Variants in NLRP11 observed in about 807,000 individuals in gnomAD.
The protein encoded by NLRP11 is NLR family pyrin domain containing 11, also known as NACHT, LRR and PYD domains-containing protein 11.
NLRP11 carries 53 observed loss-of-function variants against 79.3 expected under a neutral mutation model. That is an observed-to-expected ratio of 0.67 (90% CI 0.54 to 0.84). The LOEUF is 0.84. Ranked by LOEUF, NLRP11 falls within the 40% of genes least tolerant of loss-of-function variation. The pLI is 0.00. For synonymous variants in NLRP11, 518 were observed against 462.6 expected, an observed-to-expected ratio of 1.12 and a Z score of -1.54; for missense variants, 1,264 against 1,255.0, an observed-to-expected ratio of 1.01 and a Z score of -0.11.
At chr19:55,834,607 T>G (rs548120707), upstream of NLRP11, among the ~76,000 whole-genome samples, 2 of 152,256 alleles carry the variant, frequency 1.3e-5, no homozygotes, top group Admixed American at 1.3e-4. Context: ...GACTCAGTCA[T>G]TCCACTCAGG....
At chr19:55,796,448 C>A (rs778509838) in intron 5 of NLRP11, among the ~76,000 whole-genome samples, 198 bp from the exon 6 acceptor site, 1 of 152,140 alleles carries the variant, frequency 6.6e-6, no homozygotes, top group Non-Finnish European at 1.5e-5. Flanking sequence ...TACAGATTCA[C>A]GAAGGGCTGT....
At chr19:55,831,859 T>C (rs1337819504) in intron 1 of NLRP11, 104 bp downstream of exon 1, 2 of 151,698 alleles carry the variant, frequency 1.3e-5, no homozygotes, top group East Asian at 3.9e-4. Flanking sequence ...CCCAATCATA[T>C]TATTTCCAGC....
At chr19:55,819,003 T>A (rs575522318) in intron 1 of NLRP11, among the ~76,000 whole-genome samples, 6 of 152,238 alleles carry the variant, frequency 3.9e-5, no homozygotes, top group African/African-American at 1.4e-4. Context: ...CTCGCAGAAC[T>A]GCTCCCAACA....
intron 3 of NLRP11, 29 bp downstream of exon 3, chr19:55,808,740 G>C: frequency 1.3e-6 from 2 of 1,569,054 alleles, no homozygotes; most frequent in Middle Eastern, 1.9e-4. Flanking sequence ...AGGAAGACAG[G>C]AAAGAGGATT....
At chr19:55,802,454 T>C (rs1979570329) in intron 4 of NLRP11, among the ~76,000 whole-genome samples, 4 of 152,170 alleles carry the variant, frequency 2.6e-5, no homozygotes, top group African/African-American at 9.7e-5. Flanking sequence ...GGAATACAGC[T>C]AACCAGAGAG....
At chr19:55,796,094 A>G (rs1414086972) in exon 6 of NLRP11, 1 of 1,612,596 alleles carries the variant, frequency 6.2e-7, no homozygotes, top group Admixed American at 1.7e-5. Flanking sequence ...GTGATATAAG[A>G]GTGCAGTTGG....
intron 1 of NLRP11, among the ~76,000 whole-genome samples, chr19:55,827,380 A>G (rs1289828540): frequency 1.3e-5 from 2 of 150,274 alleles, no homozygotes; most frequent in East Asian, 4.0e-4. Flanking sequence ...CTAAAACACC[A>G]AAAGCAATGG....
intron 8 of NLRP11, 126 bp from the exon 9 acceptor site, chr19:55,789,103 A>G (rs966922740): frequency 2.9e-6 from 4 of 1,375,884 alleles, no homozygotes; most frequent in African/African-American, 2.9e-5. Flanking sequence ...ACTGTGCAAT[A>G]AGAGTCCCAT....
chr19:55,795,639 G>A lies in NLRP11; in HGVS notation c.2342+441C>T, dbSNP rs147122183. ...CAAGCAGCTGGGACTACAGGTACCC[G>A]CCACCACGCCCGGCTAATTTTTGTA... is the stretch of plus-strand genomic sequence containing the variant. On this transcript the variant is annotated intron_variant, in intron 6 of 9. Transcript: ENST00000589093. Among the ~76,000 whole-genome samples the A allele has an allele frequency of 9.3e-3, 1,419 of 152,096 alleles. 23 individuals carry two copies. Among genetic ancestry groups the A allele is most frequent in the African/African-American group, 0.033 (1,362 of 41,470 alleles).
chr19:55,790,754 C>T (rs933000476), intron 7 of NLRP11, among the ~76,000 whole-genome samples: 25 of 152,296 alleles, frequency 1.6e-4, no homozygotes, highest in African/African-American at 5.3e-4. Flanking sequence ...TTGAGCCCAG[C>T]AGTCTGAGAC....
In NLRP11 at chr19:55,810,258, A is replaced by T. The variant is rs756477452; in HGVS notation, c.352T>A (p.Tyr118Asn). 8.7e-6 allele frequency: 14 copies of T among 1,613,676 alleles called. No homozygotes were observed. The African/African-American group carries it at 1.9e-4, about 22-fold the overall frequency. The change falls in exon 3 of 10, where the codon TAT becomes AAT. Residue 118 changes from tyrosine to asparagine, a missense_variant. Physicochemically the swap from Tyr to Asn is moderately radical, Grantham distance 143. Coordinates refer to ENST00000589093, the Ensembl canonical transcript of NLRP11. Reference sequence around the variant, plus strand: ...GACGAAACGTCACGAAAAAATTTATAATGAAATTTTCCAAAAGTGTGACTT... The same window carrying T: ...GACGAAACGTCACGAAAAAATTTATTATGAAATTTTCCAAAAGTGTGACTT...
intron 6 of NLRP11, among the ~76,000 whole-genome samples, chr19:55,794,811 A>G (rs17635587): frequency 0.19 from 28,485 of 152,118 alleles, 2,829 homozygotes; most frequent in Non-Finnish European, 0.23. Context: ...CATAATATGA[A>G]CAGGAGTTTC....
chr19:55,796,809 C>T (rs1449963002), intron 5 of NLRP11, among the ~76,000 whole-genome samples: 1 of 152,098 alleles, frequency 6.6e-6, no homozygotes, highest in African/African-American at 2.4e-5. Context: ...CTGCCTCGGC[C>T]TCCCGAGTAG....
At chr19:55,800,242 C>A (rs778137100) in intron 5 of NLRP11, among the ~76,000 whole-genome samples, 8 of 152,128 alleles carry the variant, frequency 5.3e-5, no homozygotes, top group Non-Finnish European at 1.0e-4. Flanking sequence ...GCACTCAAAG[C>A]GTGGCTAGCA....
At chr19:55,786,396 GT>G (rs915196725) in intron 9 of NLRP11, among the ~76,000 whole-genome samples, 3 of 151,974 alleles carry the variant, frequency 2.0e-5, no homozygotes, top group Admixed American at 2.0e-4. Context: ...GTGGTGGTGC[GT>G]GCCTGTGGTC....
intron 7 of NLRP11, 63 bp from the exon 8 acceptor site, chr19:55,789,462 G>A (rs138626549): frequency 8.9e-6 from 13 of 1,463,996 alleles, no homozygotes; most frequent in Non-Finnish European, 1.1e-5. Flanking sequence ...ATTTCACAGA[G>A]TGTTAAGCAT....
chr19:55,801,196 T>A (rs1381485817), intron 5 of NLRP11: 4 of 141,976 alleles, frequency 2.8e-5, no homozygotes, highest in East Asian at 2.0e-4. Flanking sequence ...AAAAAAAAAA[T>A]TAGTTTCACT....
chr19:55,814,389 A>C (rs1394091098), intron 2 of NLRP11, among the ~76,000 whole-genome samples: 2 of 152,166 alleles, frequency 1.3e-5, no homozygotes, highest in African/African-American at 4.8e-5. Flanking sequence ...AATACATTTG[A>C]ATTATCCCCA....
intron 8 of NLRP11, 64 bp downstream of exon 8, chr19:55,789,165 C>T: frequency 1.3e-6 from 2 of 1,514,176 alleles, no homozygotes; most frequent in South Asian, 2.5e-5. Context: ...AATCCACTTC[C>T]TCTTGTGCTT....
Sources: allele counts gnomAD v4.1 joint callset (sites outside exome capture counted in the v4.1 genomes callset), GRCh38; gene constraint gnomAD v4.1.1; transcripts MANE v1.5; gene names NCBI Gene and HGNC (gene_info 2026-07-23, HGNC 2026-07-21).